Variants in KCMF1 observed in about 807,000 individuals in gnomAD.
KCMF1 encodes the protein E3 ubiquitin-protein ligase KCMF1.
A neutral mutation model predicts 41.1 loss-of-function variants in KCMF1; 3 were observed. The ratio of observed to expected loss-of-function variants is 0.07; its 90% confidence interval spans 0.03 to 0.19. The LOEUF (loss-of-function observed/expected upper bound fraction) is 0.19, where lower values mean the gene tolerates loss of function less well. Ranked by LOEUF, KCMF1 falls within the 10% of genes least tolerant of loss-of-function variation. KCMF1 has a pLI of 1.00. For missense variants in KCMF1, 286 were observed against 488.9 expected, an observed-to-expected ratio of 0.58 and a Z score of 3.91; for synonymous variants, 142 against 164.5, an observed-to-expected ratio of 0.86 and a Z score of 1.04.
chr2:85,036,630 C>A (rs1675409267), intron 3 of KCMF1, among the ~76,000 whole-genome samples: 1 of 151,814 alleles, frequency 6.6e-6, no homozygotes, highest in Non-Finnish European at 1.5e-5. Context: ...CTTGTCTCCA[C>A]AAAATTTAAA....
chr2:85,024,751 G>A (rs543826968), intron 1 of KCMF1, among the ~76,000 whole-genome samples: 14 of 152,196 alleles, frequency 9.2e-5, no homozygotes, highest in African/African-American at 3.1e-4. Context: ...TTTTTTGTGT[G>A]TATAGGATAT....
chr2:85,028,758 G>A (rs758493205), intron 2 of KCMF1, among the ~76,000 whole-genome samples: 14 of 151,950 alleles, frequency 9.2e-5, no homozygotes, highest in Non-Finnish European at 1.5e-4. Context: ...AAAGTGCTGG[G>A]ATTACAGGCG....
chr2:84,973,627 A>T (rs563982364), intron 1 of KCMF1, among the ~76,000 whole-genome samples: 4 of 152,168 alleles, frequency 2.6e-5, no homozygotes, highest in Non-Finnish European at 4.4e-5. Flanking sequence ...CACGAATCAC[A>T]TTTAACTCAT....
intron 3 of KCMF1, among the ~76,000 whole-genome samples, chr2:85,040,409 C>T (rs1675500180): frequency 1.3e-5 from 2 of 152,108 alleles, no homozygotes; most frequent in African/African-American, 4.8e-5. Context: ...CAAAACTAAG[C>T]AGTATTTGTG....
At chr2:85,029,716 T>A (rs1675218500) in intron 2 of KCMF1, among the ~76,000 whole-genome samples, 2 of 148,444 alleles carry the variant, frequency 1.3e-5, no homozygotes, top group Admixed American at 1.3e-4. Flanking sequence ...AGTTTCACTC[T>A]TGTCGCCTAG....
intron 1 of KCMF1, among the ~76,000 whole-genome samples, chr2:84,981,355 A>G (rs1333322119): frequency 6.6e-6 from 1 of 151,806 alleles, no homozygotes; most frequent in Non-Finnish European, 1.5e-5. Flanking sequence ...GCTCCCGGCT[A>G]ATTTTTTGTA....
At chr2:85,046,034 TA>T in intron 4 of KCMF1, 69 bp from the exon 5 acceptor site, 3 of 1,261,948 alleles carry the variant, frequency 2.4e-6, no homozygotes, top group Non-Finnish European at 3.3e-6. Context: ...TACATCTGTC[TA>T]GCAAGGACTC....
intron 3 of KCMF1, among the ~76,000 whole-genome samples, chr2:85,036,914 A>G (rs1188322180): frequency 6.6e-5 from 10 of 151,562 alleles, no homozygotes; most frequent in Non-Finnish European, 1.2e-4. Flanking sequence ...AGTCCCTAGT[A>G]TAGTATTTTC....
intron 1 of KCMF1, among the ~76,000 whole-genome samples, chr2:84,999,440 C>T (rs1235708219): frequency 6.6e-6 from 1 of 152,168 alleles, no homozygotes; most frequent in East Asian, 1.9e-4. Flanking sequence ...CGTGAGCCAC[C>T]ACACCCGGCC....
rs1253356151 is a variant in KCMF1 at position 85,055,813 on chromosome 2, ACT to A, written c.*2405_*2406del. ...GATGGAGACAAAATCAAAATATACC[ACT>A]GTTTATTTTGGCAGCACCTTCAAAT... is the stretch of plus-strand genomic sequence containing the variant. On this transcript the variant is annotated 3_prime_UTR_variant, in exon 7 of 7. Coordinates refer to ENST00000409785, the MANE Select transcript of KCMF1 (RefSeq NM_020122.5). The A allele has an allele frequency of 6.6e-6, 1 of 152,164 alleles. No individual in the cohort carries two copies. Among genetic ancestry groups the A allele is most frequent in the Non-Finnish European group, 1.5e-5 (1 of 68,018 alleles). The allele number at this position is 152,164 out of a possible 1,614,324, so 9.4% of individuals were successfully genotyped here. A position where few individuals can be genotyped will look rare whatever the true frequency, so the allele number is the denominator to read the frequency against.
At chr2:84,993,777 T>C (rs1674104770) in intron 1 of KCMF1, among the ~76,000 whole-genome samples, 1 of 151,870 alleles carries the variant, frequency 6.6e-6, no homozygotes, top group African/African-American at 2.4e-5. Flanking sequence ...GGTTTCATCA[T>C]GTTGGCCAGG....
In KCMF1 at chr2:85,057,924, C is replaced by G. The variant is rs1675972928; in HGVS notation, c.*4515C>G. 6.6e-6 allele frequency: 1 copy of G among 152,232 alleles called. No homozygotes were observed. The allele number at this position is 152,232 out of a possible 1,614,324, so 9.4% of individuals were successfully genotyped here. On this transcript the variant is annotated 3_prime_UTR_variant, in exon 7 of 7. Coordinates refer to ENST00000409785, the MANE Select transcript of KCMF1 (RefSeq NM_020122.5). ...CTAATAACATGGGTTCCTCAAATCA[C>G]AAAGGAGAATGCTCTCAAGTCCTCA...
intron 1 of KCMF1, among the ~76,000 whole-genome samples, chr2:84,980,313 A>C (rs967460659): frequency 6.6e-6 from 1 of 152,164 alleles, no homozygotes; most frequent in African/African-American, 2.4e-5. Context: ...GAGGAAAGAC[A>C]GGCAAGGTGG....
At chr2:85,043,832 A>T (rs1675601110) in intron 4 of KCMF1, among the ~76,000 whole-genome samples, 167 bp downstream of exon 4, 1 of 152,204 alleles carries the variant, frequency 6.6e-6, no homozygotes, top group South Asian at 2.1e-4. Context: ...CTATAGGCAC[A>T]CATGTGCCAC....
At chr2:85,025,027 AAC>A (rs1055008769) in intron 1 of KCMF1, among the ~76,000 whole-genome samples, 1 of 152,184 alleles carries the variant, frequency 6.6e-6, no homozygotes, top group Non-Finnish European at 1.5e-5. Context: ...TGATATATAA[AAC>A]AAGTCCCTCT....
At chr2:85,007,807 C>T (rs1674509187) in intron 1 of KCMF1, among the ~76,000 whole-genome samples, 1 of 152,192 alleles carries the variant, frequency 6.6e-6, no homozygotes, top group South Asian at 2.1e-4. Context: ...AGTCTCGTCA[C>T]CCAGTCTGGA....
rs1675856137 is a variant in KCMF1, at chr2:85,053,485, G to C, written c.*76G>C. 7.0e-7 allele frequency: 1 copy of C among 1,426,890 alleles called. No individual in the cohort carries two copies. Among genetic ancestry groups the C allele is most frequent in the Non-Finnish European group, 9.4e-7 (1 of 1,061,686 alleles). The allele number at this position is 1,426,890 out of a possible 1,614,324, so 88.4% of individuals were successfully genotyped here. On this transcript the variant is annotated 3_prime_UTR_variant, in exon 7 of 7. Coordinates refer to ENST00000409785, the MANE Select transcript of KCMF1 (RefSeq NM_020122.5). Reference sequence around the variant, plus strand: ...AGTGGACAACAACTATCTTGGGTTTGTTTGGTGATTGTAATTTCAGGTCTG... The same window carrying C: ...AGTGGACAACAACTATCTTGGGTTTCTTTGGTGATTGTAATTTCAGGTCTG...
chr2:85,059,112 T>C lies in KCMF1; in HGVS notation c.*5703T>C, dbSNP rs1449219441. On this transcript the variant is annotated 3_prime_UTR_variant, in exon 7 of 7. Coordinates refer to ENST00000409785, the MANE Select transcript of KCMF1 (RefSeq NM_020122.5). ...TTCATGGATTCTTACCCCCTAGTCA[T>C]GAAAGCTATTCTGGCCAGCCTTGAA... is the stretch of plus-strand genomic sequence containing the variant. The C allele has an allele frequency of 1.3e-5, 2 of 152,138 alleles. No homozygotes were observed. Among genetic ancestry groups the C allele is most frequent in the Admixed American group, 6.5e-5 (1 of 15,282 alleles). 9.4% of individuals were successfully genotyped at this position (152,138 alleles called of 1,614,324 possible). A position where few individuals can be genotyped will look rare whatever the true frequency, so the allele number is the denominator to read the frequency against.
chr2:84,989,430 G>A (rs951071234), intron 1 of KCMF1, among the ~76,000 whole-genome samples: 2 of 152,316 alleles, frequency 1.3e-5, no homozygotes, highest in East Asian at 1.9e-4. Flanking sequence ...GATGAGCTTT[G>A]TCAAGAGGGT....
Sources: gnomAD v4.1 joint callset for allele counts (sites outside exome capture counted in the v4.1 genomes callset) on GRCh38, gnomAD v4.1.1 for gene constraint, MANE v1.5 for transcripts, NCBI Gene and HGNC (gene_info 2026-07-23, HGNC 2026-07-21) for gene names.